Variants in HERPUD2 observed in about 807,000 individuals in gnomAD.
HERPUD2 encodes HERPUD family member 2, also known as homocysteine-responsive endoplasmic reticulum-resident ubiquitin-like domain member 2 protein.
HERPUD2 carries 13 observed loss-of-function variants against 49.9 expected under a neutral mutation model. The observed-to-expected ratio is 0.26, with a 90% CI of 0.17 to 0.41. The LOEUF is 0.41. Among genes scored for constraint, HERPUD2 ranks in the 10% least tolerant of loss-of-function variants. The pLI is 1.00. For missense variants in HERPUD2, 449 were observed against 492.2 expected (o/e 0.91, Z 0.83); for synonymous variants, 172 against 171.4 (o/e 1.00, Z -0.03).
rs78044950 is a variant in HERPUD2 at position 35,692,835 on chromosome 7, G to A, written c.147+1349C>T. The stretch of plus-strand genomic sequence containing the variant: ...GAAATGCTCATAATTCATTAATATC[G>A]TAATATAGATCAAGTGTCTTCCTTA... On this transcript the variant is annotated intron_variant, in intron 2 of 8. Transcript: ENST00000311350. Among the ~76,000 whole-genome samples, 163 of 152,212 alleles carry A rather than the reference G, an allele frequency of 1.1e-3. 1 individual carries two copies. The highest frequency in any genetic ancestry group is 2.1e-3 in the Non-Finnish European group (146 of 68,026).
chr7:35,670,137 A>T, intron 4 of HERPUD2, 78 bp downstream of exon 4: 1 of 600,520 alleles, frequency 1.7e-6, no homozygotes, highest in East Asian at 2.9e-5. Context: ...TTTTTCATTT[A>T]GTTTTTAGAG....
intron 2 of HERPUD2, among the ~76,000 whole-genome samples, chr7:35,673,625 T>C: frequency 6.6e-6 from 1 of 152,102 alleles, no homozygotes; most frequent in East Asian, 1.9e-4. Flanking sequence ...ACTATATAAA[T>C]GAGAAAGTGG....
chr7:35,685,262 G>A (rs4723443), intron 2 of HERPUD2, among the ~76,000 whole-genome samples: 1,541 of 148,374 alleles, frequency 0.01, 14 homozygotes, highest in Non-Finnish European at 0.013. Flanking sequence ...AAAGAAAACA[G>A]AAACATTATT....
At position 35,673,243 on chromosome 7, in the gene HERPUD2, T is replaced by A. The variant is rs755891404; in HGVS notation, c.183A>T (p.Arg61Ser). The A allele has an allele frequency of 1.2e-6, 2 of 1,612,120 alleles. No homozygotes were observed. Among genetic ancestry groups the A allele is most frequent in the Admixed American group, 3.4e-5 (2 of 59,564 alleles). ...TCAGCTGCAGATGATCGGGAAGCAGTCTGCCCGAATACACCAATCTCTGAT... is the reference window on the plus strand; with the variant it reads ...TCAGCTGCAGATGATCGGGAAGCAGACTGCCCGAATACACCAATCTCTGAT... ...TKDQRLVYSG[R>S]LLPDHLQLKD... The change falls in exon 3 of 9, where the codon AGA becomes AGT. Residue 61 changes from arginine (R) to serine (S), a missense_variant. Transcript: ENST00000311350.
At chr7:35,634,795 C>T (rs188023140) in intron 7 of HERPUD2, among the ~76,000 whole-genome samples, 5 of 152,244 alleles carry the variant, frequency 3.3e-5, no homozygotes, top group Admixed American at 6.5e-5. Flanking sequence ...CTGGCTTATA[C>T]CTATAGAACT....
chr7:35,658,668 A>G (rs927805929), intron 5 of HERPUD2, among the ~76,000 whole-genome samples: 3 of 152,252 alleles, frequency 2.0e-5, no homozygotes, highest in Non-Finnish European at 4.4e-5. Flanking sequence ...TTTGTTATAA[A>G]ACAAGGCTGT....
chr7:35,673,334 T>C (rs867887997), intron 2 of HERPUD2, 56 bp from the exon 3 acceptor site: 27 of 1,371,940 alleles, frequency 2.0e-5, no homozygotes, highest in Non-Finnish European at 2.7e-5. Context: ...AAATTGAAGG[T>C]TGGGAATAAC....
chr7:35,663,518 T>C (rs1428478132), intron 5 of HERPUD2, among the ~76,000 whole-genome samples: 1 of 152,200 alleles, frequency 6.6e-6, no homozygotes, highest in Non-Finnish European at 1.5e-5. Flanking sequence ...AGTCTCCCAT[T>C]ATTATTGCGT....
intron 2 of HERPUD2, among the ~76,000 whole-genome samples, chr7:35,679,266 G>A (rs780459823): frequency 1.2e-4 from 18 of 152,082 alleles, no homozygotes; most frequent in Non-Finnish European, 2.6e-4. Context: ...TGGGTCCCAC[G>A]CATACAAATA....
chr7:35,665,943 GT>G (rs1484798221), intron 5 of HERPUD2, among the ~76,000 whole-genome samples: 1 of 152,148 alleles, frequency 6.6e-6, no homozygotes, highest in Admixed American at 6.5e-5. Context: ...AAGAGAAAGA[GT>G]TATAAATTTT....
intron 2 of HERPUD2, among the ~76,000 whole-genome samples, chr7:35,689,605 A>G (rs1178326588): frequency 6.6e-6 from 1 of 152,234 alleles, no homozygotes; most frequent in Non-Finnish European, 1.5e-5. Flanking sequence ...ATCTCACAAC[A>G]GAACCTATAT....
chr7:35,636,486 A>G lies in HERPUD2; in HGVS notation c.618-1028T>C, dbSNP rs1023525833. Among the ~76,000 whole-genome samples the G allele has an allele frequency of 7.2e-5, 11 of 152,326 alleles. No homozygotes were observed. The South Asian group carries it at 8.3e-4, about 11-fold the overall frequency. On this transcript the variant is annotated intron_variant, in intron 6 of 8. Coordinates refer to ENST00000311350, the MANE Select transcript of HERPUD2 (RefSeq NM_022373.5). ...AAGGCTCTCAAGTTAAATGATGCAC[A>G]TAAGAGTATATGATTTAGCAGCAAG...
At chr7:35,668,596 T>C (rs1464892526) in intron 4 of HERPUD2, 4 of 154,796 alleles carry the variant, frequency 2.6e-5, no homozygotes, top group South Asian at 4.1e-4. Flanking sequence ...CCATGCTAAG[T>C]CCTGCAATGT....
At chr7:35,643,485 C>G (rs1427996824) in intron 5 of HERPUD2, among the ~76,000 whole-genome samples, 1 of 152,032 alleles carries the variant, frequency 6.6e-6, no homozygotes. Flanking sequence ...TCTCTCTACT[C>G]CTATGGAGTG....
intron 2 of HERPUD2, among the ~76,000 whole-genome samples, chr7:35,677,498 C>T (rs1414186002): frequency 6.6e-6 from 1 of 152,086 alleles, no homozygotes; most frequent in East Asian, 1.9e-4. Flanking sequence ...TAAAGGTAAT[C>T]TTGATGGTGT....
At chr7:35,689,995 A>G (rs1273816928) in intron 2 of HERPUD2, among the ~76,000 whole-genome samples, 1 of 152,228 alleles carries the variant, frequency 6.6e-6, no homozygotes, top group African/African-American at 2.4e-5. Context: ...ATTTTTCTCT[A>G]GGATGATCCA....
chr7:35,681,742 A>G (rs760598712), intron 2 of HERPUD2, among the ~76,000 whole-genome samples: 14 of 152,212 alleles, frequency 9.2e-5, no homozygotes, highest in Non-Finnish European at 2.1e-4. Context: ...ACAAAAATCC[A>G]TATGATTCTT....
At chr7:35,655,529 C>T (rs1404241539) in intron 5 of HERPUD2, among the ~76,000 whole-genome samples, 3 of 152,100 alleles carry the variant, frequency 2.0e-5, no homozygotes, top group African/African-American at 4.8e-5. Flanking sequence ...TAGGCATAGA[C>T]GGAACATATC....
At chr7:35,692,676 A>G (rs1786218319) in intron 2 of HERPUD2, among the ~76,000 whole-genome samples, 2 of 152,184 alleles carry the variant, frequency 1.3e-5, no homozygotes, top group South Asian at 2.1e-4. Context: ...TATTTGTATC[A>G]CAAAGTACTG....
Sources: allele counts gnomAD v4.1 joint callset (sites outside exome capture counted in the v4.1 genomes callset), GRCh38; gene constraint gnomAD v4.1.1; transcripts MANE v1.5; gene names NCBI Gene and HGNC (gene_info 2026-07-23, HGNC 2026-07-21).